Variants in ARHGEF7 observed in about 807,000 individuals in gnomAD.
The protein encoded by ARHGEF7 is Rho guanine nucleotide exchange factor 7.
ARHGEF7 carries 33 observed loss-of-function variants against 109.8 expected under a neutral mutation model. That is an observed-to-expected ratio of 0.30 (90% CI 0.23 to 0.40). ARHGEF7 has a LOEUF of 0.40. ARHGEF7 is among the 10% of genes least tolerant of loss of function. ARHGEF7 has a pLI of 1.00. For missense variants in ARHGEF7, 938 were observed against 1,098.5 expected (o/e 0.85, Z 2.07); for synonymous variants, 458 against 424.6 (o/e 1.08, Z -0.97).
chr13:111,177,835 G>A (rs908711976), intron 2 of ARHGEF7, among the ~76,000 whole-genome samples: 1 of 148,404 alleles, frequency 6.7e-6, no homozygotes, highest in Non-Finnish European at 1.5e-5. Context: ...GGGGAAAAAA[G>A]TGTTAAGAAG....
At chr13:111,229,252 T>C (rs1050678243) in intron 5 of ARHGEF7, among the ~76,000 whole-genome samples, 2 of 152,184 alleles carry the variant, frequency 1.3e-5, no homozygotes, top group African/African-American at 4.8e-5. Context: ...ATTTTTCTCC[T>C]GAATATCTTA....
chr13:111,210,141 T>C, intron 4 of ARHGEF7, 139 bp downstream of exon 4: 2 of 1,125,378 alleles, frequency 1.8e-6, no homozygotes, highest in Admixed American at 2.3e-5. Context: ...CCGTTGTGCC[T>C]GTAATCTGGT....
At chr13:111,243,733 G>A (rs2088249167) in intron 6 of ARHGEF7, 139 bp from the exon 7 acceptor site, 1 of 606,488 alleles carries the variant, frequency 1.6e-6, no homozygotes, top group Non-Finnish European at 2.9e-6. Context: ...AAAGAATGAT[G>A]ATGATACTCA....
chr13:111,277,429 C>T (rs1438482573), intron 12 of ARHGEF7, among the ~76,000 whole-genome samples, 158 bp from the exon 13 acceptor site: 1 of 152,158 alleles, frequency 6.6e-6, no homozygotes, highest in Non-Finnish European at 1.5e-5. Context: ...ATAATTGTTT[C>T]CATTTAATTT....
At position 111,286,193 on chromosome 13, in the gene ARHGEF7, G is replaced by A. The variant is rs773411493; in HGVS notation, c.1997G>A (p.Arg666His). The A allele has an allele frequency of 1.9e-6, 3 of 1,613,988 alleles. No individual in the cohort carries two copies. Among genetic ancestry groups the A allele is most frequent in the South Asian group, 2.2e-5 (2 of 91,056 alleles). Residue 666 changes from arginine (R) to histidine (H), a missense_variant, in exon 17 of 22, where the codon CGC (arginine) becomes CAC (histidine). Around this residue, in one of 4 missense-constraint regions of ARHGEF7, gnomAD observed 22 missense variants for 81.9 expected, o/e 0.27. Coordinates refer to ENST00000646102, the MANE Select transcript of ARHGEF7 (RefSeq NM_001354046.2). ...ACCATGAAAAAGCTGCTGCCCAAGC[G>A]CAAACCTGAACGGAAGCCTTCAGAT... Reference protein sequence around the residue: ...PKTMKKLLPKRKPERKPSDEE... With the variant: ...PKTMKKLLPKHKPERKPSDEE...
intron 1 of ARHGEF7, among the ~76,000 whole-genome samples, chr13:111,147,889 G>A (rs1455143510): frequency 6.6e-6 from 1 of 151,776 alleles, no homozygotes; most frequent in African/African-American, 2.4e-5. Context: ...AGTAGAGACG[G>A]GGTTTCACCG....
intron 1 of ARHGEF7, among the ~76,000 whole-genome samples, chr13:111,118,353 T>G (rs1048618172): frequency 6.6e-6 from 1 of 152,232 alleles, no homozygotes; most frequent in Non-Finnish European, 1.5e-5. Context: ...CCGCTTTGCT[T>G]TTAAGGTGGA....
chr13:111,221,432 TAG>T (rs368180691), intron 5 of ARHGEF7, among the ~76,000 whole-genome samples: 1 of 13,682 alleles, frequency 7.3e-5, no homozygotes, highest in East Asian at 4.5e-3. Context: ...TATCTATATA[TAG>T]ATATATATAT....
At chr13:111,129,988 T>C (rs1298116672) in intron 1 of ARHGEF7, among the ~76,000 whole-genome samples, 9 of 152,168 alleles carry the variant, frequency 5.9e-5, no homozygotes, top group Non-Finnish European at 1.3e-4. Flanking sequence ...TGTTTTACAG[T>C]TGGTGAATAG....
In ARHGEF7 at chr13:111,115,623, G is replaced by T; in HGVS notation, c.97G>T (p.Ala33Ser). Residue 33 changes from alanine to serine, a missense_variant, in exon 1 of 22, where the codon GCG (alanine) becomes TCG (serine). By Grantham distance (99) the Ala-to-Ser change is moderately conservative. Transcript: ENST00000646102. ...CTCGGACCCGGAGGGCTTTCTGCAG[G>T]CGTCGCTGAAGGATGGGGTGGTCCT... ...TISDPEGFLQ[A>S]SLKDGVVLCR... 1 of 1,405,302 alleles carries T rather than the reference G, an allele frequency of 7.1e-7. No homozygotes were observed. Among genetic ancestry groups the T allele is most frequent in the South Asian group, 1.4e-5 (1 of 71,482 alleles). 87.1% of individuals were successfully genotyped at this position (1,405,302 alleles called of 1,614,324 possible).
chr13:111,276,873 G>A (rs1417694625), intron 12 of ARHGEF7, among the ~76,000 whole-genome samples: 1 of 152,172 alleles, frequency 6.6e-6, no homozygotes, highest in African/African-American at 2.4e-5. Context: ...ATGTGAAAAG[G>A]ACTGTGGCAT....
At chr13:111,230,748 A>G (rs1020421000) in intron 5 of ARHGEF7, among the ~76,000 whole-genome samples, 1 of 152,250 alleles carries the variant, frequency 6.6e-6, no homozygotes, top group African/African-American at 2.4e-5. Flanking sequence ...AAAACGAACC[A>G]CAGGGTGTTC....
At chr13:111,274,441 T>C (rs1485548098) in intron 10 of ARHGEF7, among the ~76,000 whole-genome samples, 1 of 152,186 alleles carries the variant, frequency 6.6e-6, no homozygotes, top group Non-Finnish European at 1.5e-5. Flanking sequence ...AGCTCTGCCA[T>C]TTTAGATACT....
chr13:111,261,935 C>T (rs193025768), intron 8 of ARHGEF7, among the ~76,000 whole-genome samples: 216 of 152,210 alleles, frequency 1.4e-3, no homozygotes, highest in African/African-American at 4.8e-3. Flanking sequence ...GGAAACACAG[C>T]ATACCAAAAC....
chr13:111,234,408 A>G (rs774282247), intron 6 of ARHGEF7, among the ~76,000 whole-genome samples: 2 of 152,152 alleles, frequency 1.3e-5, no homozygotes, highest in Non-Finnish European at 2.9e-5. Flanking sequence ...GGACCCACTC[A>G]TTAATAACTG....
chr13:111,153,955 G>A lies in ARHGEF7; in HGVS notation c.216G>A (p.Glu72=), dbSNP rs759111438. 1 of 1,604,892 alleles carries A rather than the reference G, an allele frequency of 6.2e-7. No homozygotes were observed. ...GCGAGTGCCTGAGCAACATCCGCGA[G>A]TTCCTGCGCGGCTGCGGGGCTTCCC... ...SESECLSNIR[E]FLRGCGASLR... is the part of the protein sequence containing the mutation. The change falls in exon 2 of 22, where the codon GAG becomes GAA. Residue 72 remains glutamate, a synonymous_variant. Coordinates refer to ENST00000646102, the MANE Select transcript of ARHGEF7 (RefSeq NM_001354046.2).
Position 111,228,761 on chromosome 13 carries a change from G to A in ARHGEF7, c.671-4444G>A, listed in dbSNP as rs1372086566. 3.9e-5 allele frequency among the ~76,000 whole-genome samples: 6 copies of A among 152,004 alleles called. No homozygotes were observed. The highest frequency in any genetic ancestry group is 2.1e-4 in the South Asian group (1 of 4,806). ...CATTGACTCTGTGAACTCTGAGTGCGTGAGTAACAGCCAACAAACCACGCA... is the reference window on the plus strand; with the variant it reads ...CATTGACTCTGTGAACTCTGAGTGCATGAGTAACAGCCAACAAACCACGCA... On this transcript the variant is annotated intron_variant, in intron 5 of 21. Coordinates refer to ENST00000646102, the MANE Select transcript of ARHGEF7 (RefSeq NM_001354046.2). The surrounding 1 kb of genome is among the most constrained non-coding windows in gnomAD (Gnocchi z 4.6).
At position 111,147,729 on chromosome 13, in the gene ARHGEF7, G is replaced by A. The variant is rs371589276; in HGVS notation, c.166-6176G>A. Among the ~76,000 whole-genome samples, 193 of 120,616 alleles carry A rather than the reference G, an allele frequency of 1.6e-3. 1 individual carries two copies. The highest frequency in any genetic ancestry group is 6.1e-3 in the African/African-American group (187 of 30,632). 79.1% of individuals were successfully genotyped at this position (120,616 alleles called of 152,430 possible). On this transcript the variant is annotated intron_variant, in intron 1 of 21. Transcript: ENST00000646102. ...TTTTTTTTTTTTGAGACGGAGTCTC[G>A]CTCTGTCGCCCAGGCTGGAGTGCAG...
Position 111,244,287 on chromosome 13 carries a change from T to C in ARHGEF7, c.943T>C (p.Cys315Arg), listed in dbSNP as rs761596415. 1.4e-5 allele frequency: 22 copies of C among 1,589,790 alleles called. No homozygotes were observed. Among genetic ancestry groups the C allele is most frequent in the South Asian group, 9.2e-5 (8 of 86,772 alleles). Reference protein sequence around the residue: ...QQMLVQSLEECTKLPEAQQRV... With the variant: ...QQMLVQSLEERTKLPEAQQRV... ...AATGCTCGTACAGTCTTTAGAAGAA[T>C]GCACCAAGTAAGTAAGATGCTAAAA... is the stretch of plus-strand genomic sequence containing the variant. Residue 315 changes from cysteine (C) to arginine (R), a missense_variant, in exon 8 of 22, where the codon TGC becomes CGC. Physicochemically the swap from Cys to Arg is radical, Grantham distance 180. Around this residue, in one of 4 missense-constraint regions of ARHGEF7, gnomAD observed 585 missense variants for 723.6 expected, o/e 0.81. Transcript: ENST00000646102.
Sources: gnomAD v4.1 joint callset for allele counts (sites outside exome capture counted in the v4.1 genomes callset) on GRCh38, gnomAD v4.1.1 for gene constraint, gnomAD v4.1.1 regional missense constraint, Gnocchi (gnomAD v3.1) non-coding constraint, MANE v1.5 for transcripts, NCBI Gene and HGNC (gene_info 2026-07-23, HGNC 2026-07-21) for gene names.